Variants in PRKCQ observed in about 807,000 individuals in gnomAD.
PRKCQ encodes protein kinase C theta, also known as protein kinase C theta type.
A neutral mutation model predicts 91.2 loss-of-function variants in PRKCQ; 41 were observed. The observed-to-expected ratio is 0.45, with a 90% CI of 0.35 to 0.58. PRKCQ has a LOEUF of 0.58. Among genes scored for constraint, PRKCQ ranks in the 20% least tolerant of loss-of-function variants. The pLI is 0.00. For missense variants in PRKCQ, 673 were observed against 896.5 expected (o/e 0.75, Z 3.18); for synonymous variants, 307 against 316.9 (o/e 0.97, Z 0.33).
Position 6,533,777 on chromosome 10 carries a change from C to T in PRKCQ, c.-9-18633G>A, listed in dbSNP as rs1421222121. ...TAAAGAAGATGGTATTTAAACTCAA[C>T]GGGAAAGGGAAAGATTGCTTAATGA... On this transcript the variant is annotated intron_variant, in intron 1 of 17. Transcript: ENST00000263125. Among the ~76,000 whole-genome samples the T allele has an allele frequency of 3.3e-5, 5 of 152,166 alleles. No individual in the cohort carries two copies. In the East Asian group the frequency reaches 5.8e-4, roughly 18 times the overall value.
intron 12 of PRKCQ, among the ~76,000 whole-genome samples, chr10:6,475,070 C>A (rs2130751117): frequency 6.6e-6 from 1 of 152,298 alleles, no homozygotes; most frequent in African/African-American, 2.4e-5. Context: ...ACGTTAGACC[C>A]TGAGCCAGTA....
At chr10:6,553,520 AAC>A (rs1840288197) in intron 1 of PRKCQ, among the ~76,000 whole-genome samples, 3 of 145,376 alleles carry the variant, frequency 2.1e-5, no homozygotes, top group African/African-American at 8.3e-5. Context: ...AAAAAAAACA[AAC>A]AAACAAAAGA....
intron 1 of PRKCQ, among the ~76,000 whole-genome samples, chr10:6,549,147 T>A (rs939301822): frequency 6.6e-6 from 1 of 152,148 alleles, no homozygotes; most frequent in African/African-American, 2.4e-5. Flanking sequence ...TGGGGCCATA[T>A]AAGTAATGAA....
intron 15 of PRKCQ, among the ~76,000 whole-genome samples, chr10:6,446,713 T>C (rs114963406): frequency 0.024 from 3,601 of 152,192 alleles, 140 homozygotes; most frequent in African/African-American, 0.082. Context: ...CCAGCAAGGG[T>C]GGCCCCTTTC....
At chr10:6,410,949 C>T in the PRKCQ span, among the ~76,000 whole-genome samples, 1 of 148,948 alleles carries the variant, frequency 6.7e-6, no homozygotes, top group Admixed American at 6.7e-5. Context: ...TGCACTCCAG[C>T]CCAGGCGACA....
intron 4 of PRKCQ, among the ~76,000 whole-genome samples, chr10:6,505,877 C>A (rs550261724): frequency 9.2e-5 from 14 of 152,208 alleles, no homozygotes; most frequent in African/African-American, 2.9e-4. Flanking sequence ...AACTCCTGAG[C>A]TCAAGTGATC....
At chr10:6,476,527 T>C (rs1010280115) in intron 12 of PRKCQ, among the ~76,000 whole-genome samples, 1 of 152,246 alleles carries the variant, frequency 6.6e-6, no homozygotes, top group Admixed American at 6.5e-5. Flanking sequence ...AAGGAAATAC[T>C]ATATATTCTC....
At chr10:6,463,799 T>C (rs2132331569) in intron 13 of PRKCQ, among the ~76,000 whole-genome samples, 1 of 152,302 alleles carries the variant, frequency 6.6e-6, no homozygotes, top group African/African-American at 2.4e-5. Context: ...GTGAGAACTG[T>C]GGATGCAGGT....
chr10:6,459,917 T>A (rs1377296827), intron 14 of PRKCQ, among the ~76,000 whole-genome samples: 1 of 152,228 alleles, frequency 6.6e-6, no homozygotes, highest in Non-Finnish European at 1.5e-5. Context: ...TATTATCCTA[T>A]GAGGTCAAAA....
intron 16 of PRKCQ, among the ~76,000 whole-genome samples, chr10:6,440,950 T>C (rs539516875): frequency 6.6e-6 from 1 of 152,272 alleles, no homozygotes; most frequent in African/African-American, 2.4e-5. Flanking sequence ...ATCATGCCAC[T>C]GCACTGCAGC....
intron 8 of PRKCQ, chr10:6,489,587 G>T (rs1027827528): frequency 2.3e-6 from 1 of 427,930 alleles, no homozygotes; most frequent in South Asian, 1.8e-5. Context: ...AGAAGAGGGC[G>T]AGAAGAGTCG....
the PRKCQ span, among the ~76,000 whole-genome samples, chr10:6,415,455 T>TATATATAC: frequency 8.4e-6 from 1 of 118,694 alleles, no homozygotes; most frequent in Non-Finnish European, 1.7e-5. Flanking sequence ...TATATATATA[T>TATATATAC]ACACTTACTC....
chr10:6,549,462 G>C (rs1421994866), intron 1 of PRKCQ, among the ~76,000 whole-genome samples: 1 of 152,074 alleles, frequency 6.6e-6, no homozygotes, highest in African/African-American at 2.4e-5. Context: ...ACTGGAGTGA[G>C]GGCAGGGAAT....
intron 15 of PRKCQ, among the ~76,000 whole-genome samples, chr10:6,447,696 C>T (rs1271649004): frequency 1.3e-5 from 2 of 152,178 alleles, no homozygotes. Flanking sequence ...ACGATGGGTG[C>T]CTGCCAGATG....
intron 1 of PRKCQ, among the ~76,000 whole-genome samples, chr10:6,560,387 A>C (rs1564393990): frequency 6.6e-6 from 1 of 152,066 alleles, no homozygotes; most frequent in Non-Finnish European, 1.5e-5. Flanking sequence ...GGAGAAAGAA[A>C]CCCCTCTGTG....
At chr10:6,560,947 G>A (rs1175542168) in intron 1 of PRKCQ, among the ~76,000 whole-genome samples, 2 of 151,358 alleles carry the variant, frequency 1.3e-5, no homozygotes, top group African/African-American at 4.9e-5. Context: ...GCTGAGGCAG[G>A]AGAACGGCAT....
the PRKCQ span, among the ~76,000 whole-genome samples, chr10:6,404,956 A>ATCCTTCCTTCCT: frequency 0.15 from 20,391 of 139,320 alleles, 2,068 homozygotes; most frequent in Non-Finnish European, 0.21. Flanking sequence ...CCTTCCTTCT[A>ATCCTTCCTTCCT]TCCTTCCTTC....
At chr10:6,565,072 C>G (rs1375109148) in intron 1 of PRKCQ, among the ~76,000 whole-genome samples, 1 of 152,156 alleles carries the variant, frequency 6.6e-6, no homozygotes, top group Non-Finnish European at 1.5e-5. Flanking sequence ...TTGAATTTTC[C>G]TATGGGTAGT....
chr10:6,579,972 G>A (rs1002290305), intron 1 of PRKCQ, among the ~76,000 whole-genome samples: 3 of 151,930 alleles, frequency 2.0e-5, no homozygotes, highest in African/African-American at 7.2e-5. Flanking sequence ...GCCCCCACCC[G>A]GCTAAGGTCG....
Sources: allele counts gnomAD v4.1 joint callset (sites outside exome capture counted in the v4.1 genomes callset), GRCh38; gene constraint gnomAD v4.1.1; transcripts MANE v1.5; gene names NCBI Gene and HGNC (gene_info 2026-07-23, HGNC 2026-07-21).